Variants in CEP85L observed in about 807,000 individuals in gnomAD.
CEP85L encodes centrosomal protein of 85 kDa-like.
A neutral mutation model predicts 100.3 loss-of-function variants in CEP85L; 60 were observed. The ratio of observed to expected loss-of-function variants is 0.60; its 90% CI spans 0.49 to 0.74. CEP85L has a LOEUF of 0.74. Ranked by LOEUF, CEP85L falls within the 30% of genes least tolerant of loss-of-function variation. The probability of loss-of-function intolerance (pLI) is 0.00; values close to 1 mark genes in which losing one functional copy is unlikely to be tolerated. For missense variants in CEP85L, 973 were observed against 936.2 expected (o/e 1.04, Z -0.51); for synonymous variants, 319 against 322.7 (o/e 0.99, Z 0.12).
intron 5 of CEP85L, among the ~76,000 whole-genome samples, chr6:118,503,777 AC>A (rs1360916207): frequency 5.3e-5 from 8 of 151,574 alleles, no homozygotes; most frequent in Admixed American, 2.6e-4. Flanking sequence ...TATATTTTTT[AC>A]AAAAATTAAT....
intron 5 of CEP85L, among the ~76,000 whole-genome samples, chr6:118,506,288 C>T (rs893732330): frequency 6.6e-6 from 1 of 152,180 alleles, no homozygotes; most frequent in African/African-American, 2.4e-5. Flanking sequence ...AAACCACATA[C>T]ACACACAGTC....
chr6:118,666,641 G>A (rs1203980698), intron 1 of CEP85L, among the ~76,000 whole-genome samples: 1 of 152,090 alleles, frequency 6.6e-6, no homozygotes, highest in Non-Finnish European at 1.5e-5. Flanking sequence ...TAGAGCCCAG[G>A]TAGTCAGTGT....
chr6:118,555,977 G>A (rs548626326), intron 3 of CEP85L, among the ~76,000 whole-genome samples: 1 of 152,160 alleles, frequency 6.6e-6, no homozygotes, highest in Admixed American at 6.5e-5. Flanking sequence ...CAAAAGACAT[G>A]ATATCATTCT....
intron 1 of CEP85L, among the ~76,000 whole-genome samples, chr6:118,645,721 A>C (rs180903527): frequency 5.3e-5 from 8 of 151,832 alleles, no homozygotes; most frequent in Non-Finnish European, 8.8e-5. Context: ...AATGTTTTTA[A>C]AAGTAAAATA....
upstream of CEP85L, among the ~76,000 whole-genome samples, chr6:118,655,757 A>G (rs992319273): frequency 1.3e-5 from 2 of 152,234 alleles, no homozygotes; most frequent in African/African-American, 2.4e-5. Flanking sequence ...TCAACAGTGT[A>G]CAGCTGGCAG....
chr6:118,638,705 A>G (rs891981951), intron 1 of CEP85L, among the ~76,000 whole-genome samples: 1 of 151,896 alleles, frequency 6.6e-6, no homozygotes, highest in Non-Finnish European at 1.5e-5. Context: ...TTGGAAGACA[A>G]TATGTTACAT....
At position 118,708,593 on chromosome 6, in the gene CEP85L, C is replaced by T. The variant is rs1441234577; in HGVS notation, c.-28+1443G>A. On this transcript the variant is annotated intron_variant, in intron 1 of 13. Coordinates refer to the CEP85L transcript ENST00000368488. Reference sequence around the variant, plus strand: ...AAAGAGTCTATTATTAAATGGTAGCCAAAATGCTGTTTTTCTCGTATACCT... The same window carrying T: ...AAAGAGTCTATTATTAAATGGTAGCTAAAATGCTGTTTTTCTCGTATACCT... Among the ~76,000 whole-genome samples, 4 of 152,106 alleles carry T rather than the reference C, an allele frequency of 2.6e-5. No individual in the cohort carries two copies. The East Asian group carries it at 7.7e-4, about 29-fold the overall frequency.
chr6:118,480,002 A>G, intron 9 of CEP85L, 81 bp from the exon 10 acceptor site: 1 of 731,154 alleles, frequency 1.4e-6, no homozygotes, highest in Non-Finnish European at 2.2e-6. Context: ...AAAACAGCAC[A>G]GAAATTTATA....
intron 2 of CEP85L, among the ~76,000 whole-genome samples, chr6:118,568,789 G>T (rs28605789): frequency 6.6e-6 from 1 of 151,924 alleles, no homozygotes; most frequent in South Asian, 2.1e-4. Flanking sequence ...TGCTACTGAG[G>T]GTTGGTTCTA....
intron 3 of CEP85L, among the ~76,000 whole-genome samples, chr6:118,552,450 G>A (rs185190081): frequency 5.2e-4 from 79 of 152,022 alleles, no homozygotes; most frequent in African/African-American, 8.9e-4. Context: ...GGTTCCTTCC[G>A]CACAAGAATG....
At chr6:118,506,410 C>T (rs145092628) in intron 5 of CEP85L, among the ~76,000 whole-genome samples, 13 of 152,144 alleles carry the variant, frequency 8.5e-5, no homozygotes, top group African/African-American at 2.6e-4. Flanking sequence ...CATAACCTGG[C>T]GTGAACTGAA....
At chr6:118,475,563 C>A (rs1773305546) in intron 10 of CEP85L, among the ~76,000 whole-genome samples, 1 of 151,826 alleles carries the variant, frequency 6.6e-6, no homozygotes, top group Non-Finnish European at 1.5e-5. Context: ...ACTGTGTTAG[C>A]CAGGATGGTC....
In CEP85L at chr6:118,475,502, C is replaced by T. The variant is rs138953423; in HGVS notation, c.1914+4369G>A. On this transcript the variant is annotated intron_variant, in intron 10 of 12. Transcript: ENST00000368491. ...CTGAGTAGCTGGGACTATAGGCGCC[C>T]GCCACCACGCCTGGCTAATTTTTTG... Among the ~76,000 whole-genome samples the T allele has an allele frequency of 4.4e-4, 67 of 151,618 alleles. No homozygotes were observed. The East Asian group carries it at 9.3e-3, about 21-fold the overall frequency.
intron 2 of CEP85L, among the ~76,000 whole-genome samples, chr6:118,631,202 G>T (rs1774124572): frequency 6.6e-6 from 1 of 152,102 alleles, no homozygotes; most frequent in Non-Finnish European, 1.5e-5. Context: ...ACCTCCCAAT[G>T]AATTTTCCTG....
At chr6:118,492,513 T>C (rs936762036) in intron 5 of CEP85L, among the ~76,000 whole-genome samples, 1 of 152,156 alleles carries the variant, frequency 6.6e-6, no homozygotes, top group Non-Finnish European at 1.5e-5. Context: ...GGAAATTCTT[T>C]TCAAGGGGAA....
chr6:118,507,399 T>C (rs1473757827), intron 5 of CEP85L, among the ~76,000 whole-genome samples: 1 of 152,156 alleles, frequency 6.6e-6, no homozygotes, highest in Non-Finnish European at 1.5e-5. Context: ...TCCTGACTGG[T>C]TTCCCTGCCT....
At chr6:118,570,920 A>G (rs530077638) in intron 2 of CEP85L, among the ~76,000 whole-genome samples, 138 of 152,246 alleles carry the variant, frequency 9.1e-4, no homozygotes, top group African/African-American at 3.2e-3. Context: ...ATGCACACAC[A>G]CACACATGCA....
chr6:118,677,249 A>C (rs1363265117), intron 1 of CEP85L, among the ~76,000 whole-genome samples: 1 of 152,214 alleles, frequency 6.6e-6, no homozygotes. Flanking sequence ...ATGAGCCAGG[A>C]GACAGATAGA....
intron 11 of CEP85L, among the ~76,000 whole-genome samples, chr6:118,470,327 C>G (rs187000910): frequency 6.6e-6 from 1 of 151,944 alleles, no homozygotes; most frequent in Non-Finnish European, 1.5e-5. Flanking sequence ...TAAATATATA[C>G]TGTACTATAA....
Sources: allele counts gnomAD v4.1 joint callset (sites outside exome capture counted in the v4.1 genomes callset), GRCh38; gene constraint gnomAD v4.1.1; transcripts MANE v1.5; gene names NCBI Gene and HGNC (gene_info 2026-07-23, HGNC 2026-07-21).